The following KHDRBS1 variants were observed in gnomAD, a reference collection of about 807,000 sequenced individuals.
KHDRBS1 encodes KH domain-containing, RNA-binding, signal transduction-associated protein 1.
KHDRBS1 carries 7 observed loss-of-function variants against 48.4 expected under a neutral mutation model. The ratio of observed to expected loss-of-function variants is 0.14; its 90% CI spans 0.08 to 0.27. KHDRBS1 has a LOEUF of 0.27. KHDRBS1 is among the 10% of genes least tolerant of loss of function. The pLI is 1.00. For synonymous variants in KHDRBS1, 241 were observed against 235.8 expected (o/e 1.02, Z -0.20); for missense variants, 458 against 601.2 (o/e 0.76, Z 2.49).
chr1:32,046,959 C>T (rs986821322), downstream of KHDRBS1, among the ~76,000 whole-genome samples: 3 of 152,124 alleles, frequency 2.0e-5, no homozygotes, highest in Non-Finnish European at 2.9e-5. Flanking sequence ...AATTTAGTCT[C>T]AACTCTTCCT....
At chr1:32,046,137 T>C (rs900159062), downstream of KHDRBS1, among the ~76,000 whole-genome samples, 5 of 152,138 alleles carry the variant, frequency 3.3e-5, no homozygotes, top group East Asian at 1.9e-4. Context: ...CCAAAACCTG[T>C]CATCTTAATC....
At chr1:32,024,480 T>TAA (rs1638923389) in intron 1 of KHDRBS1, among the ~76,000 whole-genome samples, 1 of 150,116 alleles carries the variant, frequency 6.7e-6, no homozygotes, top group Non-Finnish European at 1.5e-5. Context: ...TGAGCTAATT[T>TAA]AATTTATTTT....
Position 32,043,820 on chromosome 1 carries a change from C to T in KHDRBS1, c.*1196C>T, listed in dbSNP as rs1639325260. The stretch of plus-strand genomic sequence containing the variant: ...AGTCTGCCTAAATAGGTAGCTTAAA[C>T]TTATGTCAAAATGTCTGCAGCAGTT... On this transcript the variant is annotated 3_prime_UTR_variant, in exon 9 of 9. Coordinates refer to ENST00000327300, the MANE Select transcript of KHDRBS1 (RefSeq NM_006559.3). 3 of 152,550 alleles carry T rather than the reference C, an allele frequency of 2.0e-5. No individual in the cohort carries two copies. The highest frequency in any genetic ancestry group is 2.0e-4 in the Admixed American group (3 of 15,270). 9.4% of individuals were successfully genotyped at this position (152,550 alleles called of 1,614,324 possible). A position where few individuals can be genotyped will look rare whatever the true frequency, so the allele number is the denominator to read the frequency against.
At chr1:32,029,620 G>A (rs974769430) in intron 1 of KHDRBS1, among the ~76,000 whole-genome samples, 2 of 152,162 alleles carry the variant, frequency 1.3e-5, no homozygotes, top group Non-Finnish European at 2.9e-5. Flanking sequence ...TCATGCCATT[G>A]CACTCCAACC....
At chr1:32,044,716 CTTGTT>C (rs981210004), downstream of KHDRBS1, among the ~76,000 whole-genome samples, 3 of 152,070 alleles carry the variant, frequency 2.0e-5, no homozygotes, top group African/African-American at 4.8e-5. Context: ...GGCATTATGT[CTTGTT>C]TTGATGAAAA....
At chr1:32,031,941 C>G (rs1005450596) in intron 3 of KHDRBS1, among the ~76,000 whole-genome samples, 2 of 152,102 alleles carry the variant, frequency 1.3e-5, no homozygotes, top group African/African-American at 4.8e-5. Flanking sequence ...GAAAGGGGAA[C>G]TGAATATACT....
At chr1:32,047,553 T>C (rs553602421), downstream of KHDRBS1, among the ~76,000 whole-genome samples, 1 of 152,302 alleles carries the variant, frequency 6.6e-6, no homozygotes, top group South Asian at 2.1e-4. Flanking sequence ...TTTGTCACCT[T>C]AGTCAGAAAC....
At chr1:32,021,132 A>G (rs184144033) in intron 1 of KHDRBS1, among the ~76,000 whole-genome samples, 1 of 151,880 alleles carries the variant, frequency 6.6e-6, no homozygotes, top group African/African-American at 2.4e-5. Context: ...AAAAAAAAAA[A>G]TTTTCAAAGT....
chr1:32,050,206 CTA>C (rs1639400903), intron 10 of KHDRBS1, among the ~76,000 whole-genome samples: 1 of 152,180 alleles, frequency 6.6e-6, no homozygotes, highest in African/African-American at 2.4e-5. Flanking sequence ...GGAAAAATGT[CTA>C]TCTAAATACT....
chr1:32,048,428 TGAGTC>T (rs1279372467), downstream of KHDRBS1, among the ~76,000 whole-genome samples: 2 of 152,174 alleles, frequency 1.3e-5, no homozygotes, highest in African/African-American at 4.8e-5. Context: ...GAGGATCACT[TGAGTC>T]GAGGAGTTCA....
At chr1:32,056,980 T>A (rs1639485332) in intron 10 of KHDRBS1, among the ~76,000 whole-genome samples, 1 of 152,140 alleles carries the variant, frequency 6.6e-6, no homozygotes, top group Non-Finnish European at 1.5e-5. Flanking sequence ...TTCAATTGTG[T>A]TAAGTTCTAC....
intron 6 of KHDRBS1, among the ~76,000 whole-genome samples, chr1:32,038,323 A>G (rs1449622283): frequency 6.6e-6 from 1 of 152,200 alleles, no homozygotes; most frequent in Non-Finnish European, 1.5e-5. Context: ...TCGATTTTGT[A>G]CTTTACTTCC....
At chr1:32,056,582 C>G (rs1639482086) in intron 10 of KHDRBS1, among the ~76,000 whole-genome samples, 1 of 152,174 alleles carries the variant, frequency 6.6e-6, no homozygotes, top group Non-Finnish European at 1.5e-5. Flanking sequence ...AGATACAGAG[C>G]TAATTATTCC....
intron 1 of KHDRBS1, among the ~76,000 whole-genome samples, chr1:32,025,140 C>T (rs1259911336): frequency 6.6e-6 from 1 of 151,658 alleles, no homozygotes; most frequent in Non-Finnish European, 1.5e-5. Flanking sequence ...GTGGCACGCG[C>T]CTATGGTTGC....
intron 1 of KHDRBS1, among the ~76,000 whole-genome samples, chr1:32,019,874 C>A (rs921512670): frequency 6.6e-6 from 1 of 152,114 alleles, no homozygotes; most frequent in Non-Finnish European, 1.5e-5. Flanking sequence ...CGGTTTCAAG[C>A]AGTTCTCCTG....
At chr1:32,055,260 C>T (rs1639468014) in intron 10 of KHDRBS1, among the ~76,000 whole-genome samples, 1 of 152,056 alleles carries the variant, frequency 6.6e-6, no homozygotes. Context: ...CCAGCCTGGC[C>T]AACATGGTGA....
Position 32,030,343 on chromosome 1 carries a change from A to C in KHDRBS1, c.428A>C (p.Glu143Ala), listed in dbSNP as rs369020816. ...GGAGACTCAAAAAAGGATGATGAGG[A>C]GAATTACTTGGATTTATTTTCTCAT... ...QKGDSKKDDEENYLDLFSHKN... is the reference protein window; with the variant it reads ...QKGDSKKDDEANYLDLFSHKN... Residue 143 changes from glutamate (E) to alanine (A), a missense_variant, in exon 2 of 9, where the codon GAG becomes GCG. This residue lies in a region of KHDRBS1 where 213 missense variants were observed against 215.6 expected (regional missense o/e 0.99). Transcript: ENST00000327300. The C allele has an allele frequency of 6.2e-7, 1 of 1,611,816 alleles. No homozygotes were observed. Among genetic ancestry groups the C allele is most frequent in the Non-Finnish European group, 8.5e-7 (1 of 1,178,468 alleles).
chr1:32,045,169 C>A (rs1482636654), downstream of KHDRBS1, among the ~76,000 whole-genome samples: 1 of 152,154 alleles, frequency 6.6e-6, no homozygotes, highest in African/African-American at 2.4e-5. Flanking sequence ...CCCTGTAGGT[C>A]CCCATATTGA....
intron 10 of KHDRBS1, among the ~76,000 whole-genome samples, chr1:32,050,249 T>C (rs1489688109): frequency 6.6e-6 from 1 of 152,228 alleles, no homozygotes; most frequent in Non-Finnish European, 1.5e-5. Context: ...TAATTTGTCT[T>C]TTTATTAGCG....
Sources: allele counts gnomAD v4.1 joint callset (sites outside exome capture counted in the v4.1 genomes callset), GRCh38; gene constraint gnomAD v4.1.1; regional missense constraint gnomAD v4.1.1; transcripts MANE v1.5; gene names NCBI Gene and HGNC (gene_info 2026-07-23, HGNC 2026-07-21).